Variants in LOC131768270 observed in about 807,000 individuals in gnomAD.
the LOC131768270 span, chr5:140,565,601 C>T: frequency 4.0e-6 from 1 of 249,846 alleles, no homozygotes; most frequent in East Asian, 7.3e-5. Flanking sequence ...GTCCCTCCTG[C>T]CTTTCCTACA....
the LOC131768270 span, chr5:140,567,347 A>G: frequency 6.8e-6 from 11 of 1,614,098 alleles, no homozygotes; most frequent in Non-Finnish European, 8.5e-6. Flanking sequence ...GACTGAGCTG[A>G]CCAAGCTACT....
chr5:140,566,529 G>T, the LOC131768270 span: 2 of 414,258 alleles, frequency 4.8e-6, no homozygotes, highest in Non-Finnish European at 8.5e-6. Flanking sequence ...TCAGGAAGGA[G>T]CCTAGCTAAG....
the LOC131768270 span, chr5:140,567,942 T>C: frequency 1.2e-6 from 2 of 1,614,118 alleles, no homozygotes; most frequent in East Asian, 4.5e-5. Flanking sequence ...CTCGTGGTGC[T>C]GAGCCAGGCA....
the LOC131768270 span, chr5:140,566,121 T>C: frequency 7.7e-3 from 3,055 of 395,962 alleles, 97 homozygotes; most frequent in African/African-American, 0.056. Flanking sequence ...GAATGGCACA[T>C]GAACTAATAT....
the LOC131768270 span, chr5:140,567,630 C>T: frequency 1.2e-6 from 2 of 1,614,184 alleles, no homozygotes; most frequent in Non-Finnish European, 1.7e-6. Context: ...GCTGCGGGAG[C>T]CTGCTATGCA....
At chr5:140,567,654 A>G in the LOC131768270 span, 1 of 1,614,048 alleles carries the variant, frequency 6.2e-7, no homozygotes, top group East Asian at 2.2e-5. Flanking sequence ...GGGGGCCTTC[A>G]AGTTCCCGGG....
chr5:140,567,930 C>T, the LOC131768270 span: 1 of 1,614,210 alleles, frequency 6.2e-7, no homozygotes, highest in Non-Finnish European at 8.5e-7. Flanking sequence ...GGATGGGCAG[C>T]ACTCGTGGTG....
chr5:140,568,837 C>G, the LOC131768270 span: 2 of 167,354 alleles, frequency 1.2e-5, no homozygotes, highest in East Asian at 3.8e-4. Flanking sequence ...AGCCGACACT[C>G]CTGACCTCTC....
At chr5:140,567,728 C>A in the LOC131768270 span, 231 of 1,614,060 alleles carry the variant, frequency 1.4e-4, no homozygotes, top group Non-Finnish European at 2.0e-4. Context: ...TATCACTCCG[C>A]TAGGCCTGCT....
chr5:140,566,550 C>T, the LOC131768270 span: 2 of 412,854 alleles, frequency 4.8e-6, no homozygotes, highest in Admixed American at 4.1e-5. Flanking sequence ...TTTCCTTCTG[C>T]ATTTTTCTCT....
the LOC131768270 span, chr5:140,568,589 A>T: frequency 1.8e-5 from 4 of 217,448 alleles, no homozygotes; most frequent in Admixed American, 2.3e-4. Context: ...ATGGTGCATG[A>T]CTCTTCCATA....
the LOC131768270 span, chr5:140,565,851 G>C: frequency 1.9e-4 from 75 of 398,742 alleles, no homozygotes; most frequent in Non-Finnish European, 3.1e-4. Context: ...GACTGCTGGA[G>C]CCAGCCTCTC....
chr5:140,567,777 C>T, the LOC131768270 span: 1 of 1,614,138 alleles, frequency 6.2e-7, no homozygotes, highest in Non-Finnish European at 8.5e-7. Flanking sequence ...GGCTTGTCGT[C>T]AGTGTACACA....
chr5:140,567,030 G>A, the LOC131768270 span: 1 of 1,340,106 alleles, frequency 7.5e-7, no homozygotes, highest in Non-Finnish European at 1.1e-6. Context: ...TGTGGAGTTG[G>A]TAGATGCCTC....
At chr5:140,565,125 A>C in the LOC131768270 span, 3 of 388,026 alleles carry the variant, frequency 7.7e-6, no homozygotes, top group Non-Finnish European at 1.4e-5. Flanking sequence ...ATTCACCCTT[A>C]AACACTCCTC....
the LOC131768270 span, chr5:140,568,481 A>G: frequency 2.9e-6 from 1 of 347,398 alleles, no homozygotes; most frequent in Non-Finnish European, 5.7e-6. Context: ...TCCTGCATGA[A>G]CAGAGTTGAT....
the LOC131768270 span, chr5:140,568,070 C>T: frequency 6.2e-7 from 1 of 1,613,914 alleles, no homozygotes; most frequent in East Asian, 2.2e-5. Flanking sequence ...GCTACGGCTG[C>T]AGCTCACAGC....
the LOC131768270 span, chr5:140,567,578 C>T: frequency 2.0e-5 from 33 of 1,614,108 alleles, no homozygotes; most frequent in African/African-American, 4.0e-5. Flanking sequence ...CCTCCGGCAC[C>T]GCCTCTCTGT....
Sources: allele counts gnomAD v4.1 joint callset, GRCh38; gene constraint gnomAD v4.1.1; transcripts MANE v1.5.